TXNDC5: variants seen among roughly 807,000 people sequenced by gnomAD.
TXNDC5 encodes the protein thioredoxin domain containing 5, also known as thioredoxin domain-containing protein 5.
A neutral mutation model predicts 52.6 loss-of-function variants in TXNDC5; 44 were observed. That is an observed-to-expected ratio of 0.84 (90% CI 0.66 to 1.08). The LOEUF (loss-of-function observed/expected upper bound fraction) is 1.08, where lower values mean the gene tolerates loss of function less well. TXNDC5 is among the 50% of genes least tolerant of loss of function. TXNDC5 has a pLI of 0.00. For synonymous variants in TXNDC5, 241 were observed against 234.4 expected, an observed-to-expected ratio of 1.03 and a Z score of -0.26; for missense variants, 600 against 565.5, an observed-to-expected ratio of 1.06 and a Z score of -0.62.
intron 2 of TXNDC5, among the ~76,000 whole-genome samples, chr6:7,901,188 G>A (rs1038148367): frequency 1.3e-5 from 2 of 152,142 alleles, no homozygotes; most frequent in Non-Finnish European, 2.9e-5. Context: ...CACCGGCTAC[G>A]TCACGAAGTT....
At chr6:7,894,761 C>T (rs151256421) in intron 4 of TXNDC5, 15 of 985,384 alleles carry the variant, frequency 1.5e-5, no homozygotes, top group East Asian at 1.1e-4. Context: ...ATCCTCAATC[C>T]GTAAAAAAAT....
At chr6:7,893,142 A>G (rs1395132066) in intron 4 of TXNDC5, among the ~76,000 whole-genome samples, 1 of 152,250 alleles carries the variant, frequency 6.6e-6, no homozygotes, top group Non-Finnish European at 1.5e-5. Context: ...TTGGACACAG[A>G]AGGTGTTTAG....
At position 7,904,558 on chromosome 6, in the gene TXNDC5, C is replaced by A. The variant is rs773960152; in HGVS notation, c.413+16G>T. 6.2e-7 allele frequency: 1 copy of A among 1,613,130 alleles called. No individual in the cohort carries two copies. The highest frequency in any genetic ancestry group is 8.5e-7 in the Non-Finnish European group (1 of 1,179,210). On this transcript the variant is annotated intron_variant, in intron 2 of 9. Transcript: ENST00000379757. ...AGGAGCCACCTAGGAAGTGTGCCCC[C>A]TTCCTTCCAACTTACGTGGGGTATC...
intron 1 of TXNDC5, among the ~76,000 whole-genome samples, chr6:7,907,813 C>A (rs1171719700): frequency 1.3e-5 from 2 of 152,166 alleles, no homozygotes; most frequent in African/African-American, 2.4e-5. Context: ...CTTGATCTTG[C>A]CCCTGCTGAC....
intron 7 of TXNDC5, among the ~76,000 whole-genome samples, chr6:7,887,617 TC>T (rs1344011826): frequency 1.3e-4 from 20 of 152,216 alleles, no homozygotes; most frequent in South Asian, 1.0e-3. Context: ...TAGAGCAGCT[TC>T]CCACCTCCAG....
At chr6:7,908,255 C>G (rs1760799542) in intron 1 of TXNDC5, among the ~76,000 whole-genome samples, 1 of 141,608 alleles carries the variant, frequency 7.1e-6, no homozygotes, top group Non-Finnish European at 1.5e-5. Context: ...TGCACTCCAG[C>G]CTGGCAACAG....
intron 1 of TXNDC5, among the ~76,000 whole-genome samples, chr6:7,905,923 A>C (rs557183064): frequency 6.6e-6 from 1 of 152,276 alleles, no homozygotes; most frequent in East Asian, 1.9e-4. Context: ...ATCTCCTTTT[A>C]TTTTCTGACA....
Position 7,910,676 on chromosome 6 carries a change from C to T in TXNDC5, c.101G>A (p.Trp34Ter), listed in dbSNP as rs910286540. The change falls in exon 1 of 10, where the codon TGG becomes TAG. Residue 34 changes from tryptophan (W) to a stop codon, truncating the protein, a stop_gained. Coordinates refer to ENST00000379757, the MANE Select transcript of TXNDC5 (RefSeq NM_030810.5). LOFTEE classifies it high-confidence loss of function. ...CGCCGCCTCCTGGGCCCGGGCGCCCCAGCGCCCGCCGCCGCCATGGCCCAG... is the reference window on the plus strand; with the variant it reads ...CGCCGCCTCCTGGGCCCGGGCGCCCTAGCGCCCGCCGCCGCCATGGCCCAG... ...LLLGHGGGGR[W>*]GARAQEAAAA... is the part of the protein sequence containing the mutation. 5.3e-6 allele frequency: 6 copies of T among 1,132,764 alleles called. No individual in the cohort carries two copies. The highest frequency in any genetic ancestry group is 5.4e-6 in the Non-Finnish European group (5 of 924,244). 70.2% of individuals were successfully genotyped at this position (1,132,764 alleles called of 1,614,324 possible). A position where few individuals can be genotyped will look rare whatever the true frequency, so the allele number is the denominator to read the frequency against.
At chr6:7,908,092 G>A (rs1014927669) in intron 1 of TXNDC5, among the ~76,000 whole-genome samples, 3 of 152,018 alleles carry the variant, frequency 2.0e-5, no homozygotes, top group African/African-American at 7.2e-5. Context: ...AGACAATCCT[G>A]GCCAACATGG....
chr6:7,885,765 T>C (rs1288648237), intron 8 of TXNDC5, among the ~76,000 whole-genome samples, 196 bp downstream of exon 8: 1 of 152,216 alleles, frequency 6.6e-6, no homozygotes, highest in Admixed American at 6.5e-5. Flanking sequence ...ATTCTCCATA[T>C]ATAATTAAGG....
intron 1 of TXNDC5, 103 bp downstream of exon 1, chr6:7,910,411 C>T: frequency 1.0e-5 from 12 of 1,195,412 alleles, no homozygotes; most frequent in Non-Finnish European, 1.3e-5. Flanking sequence ...CCAGAGCCGT[C>T]GGCGTCCACG....
At chr6:7,887,655 A>G (rs1760039693) in intron 7 of TXNDC5, among the ~76,000 whole-genome samples, 1 of 152,096 alleles carries the variant, frequency 6.6e-6, no homozygotes, top group Non-Finnish European at 1.5e-5. Context: ...TCATTTTCCT[A>G]CAACTCCAAT....
chr6:7,906,608 G>A (rs546632834), intron 1 of TXNDC5, among the ~76,000 whole-genome samples: 4 of 148,118 alleles, frequency 2.7e-5, no homozygotes, highest in African/African-American at 1.0e-4. Context: ...AAGTTAATGT[G>A]TCTTCCCTAA....
intron 2 of TXNDC5, among the ~76,000 whole-genome samples, chr6:7,902,379 C>T (rs1760598605): frequency 6.6e-6 from 1 of 152,090 alleles, no homozygotes; most frequent in Admixed American, 6.5e-5. Context: ...TTTTCCTGAG[C>T]ACAGCCAGCC....
At chr6:7,903,211 G>A (rs1760624158) in intron 2 of TXNDC5, among the ~76,000 whole-genome samples, 1 of 152,136 alleles carries the variant, frequency 6.6e-6, no homozygotes, top group African/African-American at 2.4e-5. Context: ...TGCTTCTTTG[G>A]GATGCTCTTG....
intron 2 of TXNDC5, 113 bp downstream of exon 2, chr6:7,904,461 G>A (rs1760671202): frequency 6.5e-6 from 9 of 1,380,882 alleles, no homozygotes; most frequent in Non-Finnish European, 8.9e-6. Context: ...CCTAATGACA[G>A]GGACTGCCTG....
intron 6 of TXNDC5, 151 bp from the exon 7 acceptor site, chr6:7,888,999 T>G: frequency 1.0e-6 from 1 of 1,002,506 alleles, no homozygotes; most frequent in Non-Finnish European, 1.4e-6. Flanking sequence ...GACGGGAATG[T>G]AGAGAGGATA....
chr6:7,902,519 C>T lies in TXNDC5; in HGVS notation c.413+2055G>A, dbSNP rs1210261945. Among the ~76,000 whole-genome samples, 4 of 152,210 alleles carry T rather than the reference C, an allele frequency of 2.6e-5. No individual in the cohort carries two copies. In the East Asian group the frequency reaches 7.7e-4, roughly 29 times the overall value. ...CCTGGACTCAGGCAGGTACAGTCGTCACCTGCCTCGGGCCTCACAACCACT... is the reference window on the plus strand; with the variant it reads ...CCTGGACTCAGGCAGGTACAGTCGTTACCTGCCTCGGGCCTCACAACCACT... On this transcript the variant is annotated intron_variant, in intron 2 of 9. Coordinates refer to ENST00000379757, the MANE Select transcript of TXNDC5 (RefSeq NM_030810.5).
intron 6 of TXNDC5, 110 bp from the exon 7 acceptor site, chr6:7,888,958 C>T (rs770432087): frequency 9.9e-5 from 138 of 1,392,454 alleles, no homozygotes; most frequent in South Asian, 2.4e-4. Flanking sequence ...GATGTCTTAG[C>T]GGTGGTGCAA....
Sources: allele counts gnomAD v4.1 joint callset (sites outside exome capture counted in the v4.1 genomes callset), GRCh38; gene constraint gnomAD v4.1.1; transcripts MANE v1.5; gene names NCBI Gene and HGNC (gene_info 2026-07-23, HGNC 2026-07-21).